Variants in TMCC1 observed in about 807,000 individuals in gnomAD.
TMCC1 encodes the protein transmembrane and coiled-coil domain family 1, also known as transmembrane and coiled-coil domains protein 1.
Under a neutral mutation model 52.4 loss-of-function variants are expected in TMCC1, and 15 were observed. That is an observed-to-expected ratio of 0.29 (90% CI 0.19 to 0.44). The LOEUF (loss-of-function observed/expected upper bound fraction) is 0.44, where lower values mean the gene tolerates loss of function less well. Among genes scored for constraint, TMCC1 ranks in the 20% least tolerant of loss-of-function variants. TMCC1 has a pLI of 1.00. For missense variants in TMCC1, 503 were observed against 806.0 expected, an observed-to-expected ratio of 0.62 and a Z score of 4.55; for synonymous variants, 279 against 301.9, an observed-to-expected ratio of 0.92 and a Z score of 0.79.
chr3:129,723,383 C>T (rs1274463313), intron 4 of TMCC1, among the ~76,000 whole-genome samples: 1 of 133,024 alleles, frequency 7.5e-6, no homozygotes, highest in Non-Finnish European at 1.6e-5. Context: ...TTTTTTTGGC[C>T]ACCTAGATCC....
intron 4 of TMCC1, among the ~76,000 whole-genome samples, chr3:129,791,702 T>A (rs532684580): frequency 4.4e-4 from 67 of 152,298 alleles, no homozygotes; most frequent in African/African-American, 1.4e-3. Context: ...AAGAAAATGA[T>A]CTAAAATGGC....
At chr3:129,721,245 A>C (rs936957103) in intron 4 of TMCC1, among the ~76,000 whole-genome samples, 1 of 152,056 alleles carries the variant, frequency 6.6e-6, no homozygotes, top group Non-Finnish European at 1.5e-5. Flanking sequence ...CCTTCCTTCA[A>C]ATGTCTTGTT....
At chr3:129,710,396 G>A (rs558476452) in intron 4 of TMCC1, among the ~76,000 whole-genome samples, 5 of 152,116 alleles carry the variant, frequency 3.3e-5, no homozygotes, top group South Asian at 2.1e-4. Context: ...GAACTCCTGG[G>A]CTCAAGTGAT....
intron 2 of TMCC1, among the ~76,000 whole-genome samples, chr3:129,876,965 T>C (rs2061245385): frequency 6.6e-6 from 1 of 151,856 alleles, no homozygotes; most frequent in Non-Finnish European, 1.5e-5. Context: ...TCAAAATAAA[T>C]AAATAAATAA....
At chr3:129,833,837 A>T (rs1488148356) in intron 2 of TMCC1, among the ~76,000 whole-genome samples, 1 of 152,218 alleles carries the variant, frequency 6.6e-6, no homozygotes, top group African/African-American at 2.4e-5. Context: ...ACAACTGAGA[A>T]TTGGAAGCAC....
chr3:129,887,214 T>C (rs563279865), intron 1 of TMCC1, among the ~76,000 whole-genome samples: 33 of 151,914 alleles, frequency 2.2e-4, no homozygotes, highest in African/African-American at 7.2e-4. Context: ...TTTCAAATCA[T>C]AAATTGTATT....
intron 4 of TMCC1, among the ~76,000 whole-genome samples, chr3:129,748,475 A>G (rs562057732): frequency 1.9e-3 from 296 of 152,074 alleles, no homozygotes; most frequent in African/African-American, 6.8e-3. Flanking sequence ...TTTAGGAGAG[A>G]CAGGGTTTTA....
At chr3:129,829,336 G>A (rs1391225704) in intron 3 of TMCC1, among the ~76,000 whole-genome samples, 2 of 149,004 alleles carry the variant, frequency 1.3e-5, no homozygotes, top group Admixed American at 6.8e-5. Context: ...GAAAAGTAGA[G>A]AAAAAGAAAG....
rs1254736050 is a variant in TMCC1 at position 129,893,665 on chromosome 3, C to A, written c.-606G>T. The A allele has an allele frequency of 6.6e-6, 1 of 151,550 alleles. No individual in the cohort carries two copies. The highest frequency in any genetic ancestry group is 1.5e-5 in the Non-Finnish European group (1 of 67,866). The allele number at this position is 151,550 out of a possible 1,614,324, so 9.4% of individuals were successfully genotyped here. A position where few individuals can be genotyped will look rare whatever the true frequency, so the allele number is the denominator to read the frequency against. On this transcript the variant is annotated 5_prime_UTR_variant, in exon 1 of 7. Transcript: ENST00000393238. ...GCCGCCGCCTCAGTCACCGCCACCGCCGCCGCCGCCTCAGCCCCGGCGCGG... is the reference window on the plus strand; with the variant it reads ...GCCGCCGCCTCAGTCACCGCCACCGACGCCGCCGCCTCAGCCCCGGCGCGG...
At chr3:129,684,304 G>A (rs535874952) in intron 4 of TMCC1, among the ~76,000 whole-genome samples, 5 of 152,314 alleles carry the variant, frequency 3.3e-5, no homozygotes, top group Admixed American at 1.3e-4. Context: ...CTTCTGAAAA[G>A]GCAAATTGAA....
intron 4 of TMCC1, among the ~76,000 whole-genome samples, chr3:129,817,998 C>T (rs1021507052): frequency 1.2e-4 from 19 of 152,156 alleles, no homozygotes; most frequent in Non-Finnish European, 1.9e-4. Context: ...TTAGTAGAGA[C>T]GGGGTCTCAC....
intron 4 of TMCC1, among the ~76,000 whole-genome samples, chr3:129,824,163 CT>C (rs1380496087): frequency 2.6e-5 from 4 of 152,106 alleles, no homozygotes; most frequent in Non-Finnish European, 5.9e-5. Context: ...TGGTAAAACC[CT>C]GTCTCTACTA....
chr3:129,674,078 T>C (rs1433946747), intron 4 of TMCC1, among the ~76,000 whole-genome samples: 1 of 152,232 alleles, frequency 6.6e-6, no homozygotes, highest in Non-Finnish European at 1.5e-5. Flanking sequence ...CTATACCACA[T>C]AGCCCAGGCG....
intron 4 of TMCC1, among the ~76,000 whole-genome samples, chr3:129,752,682 A>AC (rs1491315335): frequency 2.0e-5 from 3 of 151,938 alleles, no homozygotes; most frequent in African/African-American, 7.3e-5. Context: ...ACACACACAC[A>AC]AAAACTAATA....
chr3:129,795,035 C>T (rs1448474792), intron 4 of TMCC1, among the ~76,000 whole-genome samples: 1 of 152,174 alleles, frequency 6.6e-6, no homozygotes, highest in Non-Finnish European at 1.5e-5. Flanking sequence ...CATAATTGGC[C>T]AAGCCTTTCC....
intron 2 of TMCC1, among the ~76,000 whole-genome samples, chr3:129,861,907 C>T (rs2060416051): frequency 2.0e-5 from 3 of 152,112 alleles, no homozygotes; most frequent in African/African-American, 4.8e-5. Context: ...TGTACATAAA[C>T]GTTCCTAACA....
chr3:129,673,726 C>T (rs1461390548), intron 4 of TMCC1, among the ~76,000 whole-genome samples: 3 of 152,020 alleles, frequency 2.0e-5, no homozygotes, highest in Non-Finnish European at 4.4e-5. Context: ...TGGCACATGC[C>T]TGGAGTCCCA....
At chr3:129,705,152 G>A (rs1373421276) in intron 4 of TMCC1, among the ~76,000 whole-genome samples, 2 of 152,188 alleles carry the variant, frequency 1.3e-5, no homozygotes, top group East Asian at 1.9e-4. Context: ...GGGTACTAGA[G>A]GCATTATTCC....
intron 4 of TMCC1, among the ~76,000 whole-genome samples, chr3:129,803,328 A>G (rs534443631): frequency 8.6e-4 from 131 of 152,360 alleles, no homozygotes; most frequent in African/African-American, 3.1e-3. Flanking sequence ...AAGAAATGAA[A>G]GCAGAACAGA....
Sources: gnomAD v4.1 joint callset for allele counts (sites outside exome capture counted in the v4.1 genomes callset) on GRCh38, gnomAD v4.1.1 for gene constraint, MANE v1.5 for transcripts, NCBI Gene and HGNC (gene_info 2026-07-23, HGNC 2026-07-21) for gene names.